The following ROBO2 variants were observed in gnomAD, a reference collection of about 807,000 sequenced individuals.
The protein encoded by ROBO2 is roundabout guidance receptor 2.
A neutral mutation model predicts 160.8 loss-of-function variants in ROBO2; 53 were observed. The observed-to-expected ratio is 0.33, with a 90% confidence interval of 0.26 to 0.41. The LOEUF (loss-of-function observed/expected upper bound fraction) is 0.41, where lower values mean the gene tolerates loss of function less well. Ranked by LOEUF, ROBO2 falls within the 10% of genes least tolerant of loss-of-function variation. The pLI is 1.00. For synonymous variants in ROBO2, 664 were observed against 611.7 expected (o/e 1.09, Z -1.26); for missense variants, 1,577 against 1,722.4 (o/e 0.92, Z 1.49).
At chr3:77,100,609 T>G (rs1042240016) in intron 2 of ROBO2, among the ~76,000 whole-genome samples, 1 of 151,934 alleles carries the variant, frequency 6.6e-6, no homozygotes, top group African/African-American at 2.4e-5. Flanking sequence ...GTGCATTCAC[T>G]TAGTTTATTA....
chr3:76,189,819 A>G (rs1164989059), intron 2 of ROBO2, among the ~76,000 whole-genome samples: 1 of 152,074 alleles, frequency 6.6e-6, no homozygotes, highest in Non-Finnish European at 1.5e-5. Context: ...TCTTTGAAAT[A>G]ACACAAAGGG....
At chr3:76,350,544 T>G (rs1056017927) in intron 2 of ROBO2, among the ~76,000 whole-genome samples, 1 of 152,052 alleles carries the variant, frequency 6.6e-6, no homozygotes, top group Admixed American at 6.6e-5. Context: ...GAAGTGACTT[T>G]CTCTTGCTAT....
At chr3:77,049,910 T>C (rs899763545) in intron 1 of ROBO2, among the ~76,000 whole-genome samples, 1 of 152,184 alleles carries the variant, frequency 6.6e-6, no homozygotes. Context: ...TGTTCATAAG[T>C]GTGATTCAAA....
At chr3:77,488,767 T>C (rs575553269) in intron 4 of ROBO2, among the ~76,000 whole-genome samples, 28 of 152,338 alleles carry the variant, frequency 1.8e-4, no homozygotes, top group Non-Finnish European at 5.9e-5. Flanking sequence ...TGGCTTATTG[T>C]AACGGTTGCC....
chr3:76,112,709 G>T (rs200483637), intron 2 of ROBO2, among the ~76,000 whole-genome samples: 1 of 141,080 alleles, frequency 7.1e-6, no homozygotes, highest in Non-Finnish European at 1.5e-5. Context: ...CCAGAAGCAA[G>T]AGATCATTCT....
At chr3:76,013,765 G>A (rs932590277) in intron 2 of ROBO2, among the ~76,000 whole-genome samples, 4 of 150,972 alleles carry the variant, frequency 2.6e-5, no homozygotes, top group Non-Finnish European at 2.9e-5. Context: ...GGGCACGGTG[G>A]TCTATGCGTG....
chr3:77,443,742 C>A (rs2153556133), intron 2 of ROBO2, among the ~76,000 whole-genome samples: 1 of 152,196 alleles, frequency 6.6e-6, no homozygotes, highest in African/African-American at 2.4e-5. Flanking sequence ...CCTCTAACTT[C>A]ATTTGGAGAG....
intron 2 of ROBO2, among the ~76,000 whole-genome samples, chr3:75,996,032 G>A (rs549908704): frequency 6.6e-6 from 1 of 152,280 alleles, no homozygotes; most frequent in African/African-American, 2.4e-5. Flanking sequence ...CTAGGTGGAA[G>A]GGAACTGCCT....
chr3:77,141,326 A>G (rs888658009), intron 2 of ROBO2, among the ~76,000 whole-genome samples: 1 of 148,826 alleles, frequency 6.7e-6, no homozygotes, highest in Non-Finnish European at 1.5e-5. Context: ...GTACTCTTTT[A>G]TAAACAGCCA....
intron 2 of ROBO2, among the ~76,000 whole-genome samples, chr3:76,490,884 A>G (rs1269646686): frequency 6.6e-6 from 1 of 152,202 alleles, no homozygotes; most frequent in East Asian, 1.9e-4. Flanking sequence ...AGAAGATTCA[A>G]TAGAACAACT....
chr3:76,323,019 A>G (rs1335583427), intron 2 of ROBO2, among the ~76,000 whole-genome samples: 1 of 152,140 alleles, frequency 6.6e-6, no homozygotes, highest in East Asian at 1.9e-4. Context: ...TCACAGTGCT[A>G]TTTCATGTGG....
chr3:76,276,917 A>C (rs1415921401), intron 2 of ROBO2, among the ~76,000 whole-genome samples: 1 of 152,026 alleles, frequency 6.6e-6, no homozygotes, highest in Non-Finnish European at 1.5e-5. Flanking sequence ...GATATATCTT[A>C]TCTCGGGGAT....
At chr3:76,734,033 G>T (rs894150062) in intron 2 of ROBO2, among the ~76,000 whole-genome samples, 13 of 152,124 alleles carry the variant, frequency 8.5e-5, no homozygotes, top group Non-Finnish European at 1.8e-4. Flanking sequence ...CTCTGCTTAT[G>T]AGGGAACTAA....
At chr3:76,944,910 A>G (rs562327969) in intron 2 of ROBO2, among the ~76,000 whole-genome samples, 1 of 150,490 alleles carries the variant, frequency 6.6e-6, no homozygotes, top group South Asian at 2.1e-4. Context: ...TTTTTTTTAG[A>G]CGGAGTCTCG....
chr3:77,558,644 G>A (rs1023352061), intron 9 of ROBO2, among the ~76,000 whole-genome samples: 10 of 152,042 alleles, frequency 6.6e-5, no homozygotes, highest in African/African-American at 2.4e-4. Context: ...TTGTTGTGTA[G>A]TTTAGATTTA....
intron 2 of ROBO2, among the ~76,000 whole-genome samples, chr3:76,942,659 A>C (rs995585672): frequency 2.0e-5 from 3 of 151,696 alleles, no homozygotes; most frequent in African/African-American, 7.3e-5. Context: ...CTCTCATTGT[A>C]GCCTAGAGAA....
chr3:76,250,053 C>T (rs1293641488), intron 2 of ROBO2, among the ~76,000 whole-genome samples: 2 of 152,000 alleles, frequency 1.3e-5, no homozygotes, highest in Non-Finnish European at 2.9e-5. Flanking sequence ...GGAGGGTCTC[C>T]TGGGACCAAT....
At chr3:76,403,050 G>C (rs1034605952) in intron 2 of ROBO2, among the ~76,000 whole-genome samples, 1 of 151,510 alleles carries the variant, frequency 6.6e-6, no homozygotes, top group African/African-American at 2.4e-5. Flanking sequence ...TTGATGCTTT[G>C]GTGCGTGATT....
At chr3:77,563,401 A>C in intron 11 of ROBO2, 72 bp downstream of exon 12, 5 of 1,407,648 alleles carry the variant, frequency 3.6e-6, no homozygotes, top group Non-Finnish European at 5.0e-6. Flanking sequence ...CACCTGAACT[A>C]TCCTGCTGTT....
Sources: allele counts gnomAD v4.1 joint callset (sites outside exome capture counted in the v4.1 genomes callset), GRCh38; gene constraint gnomAD v4.1.1; transcripts MANE v1.5; gene names NCBI Gene and HGNC (gene_info 2026-07-23, HGNC 2026-07-21).